LRBA: variants seen among roughly 807,000 people sequenced by gnomAD.
LRBA encodes the protein LPS responsive beige-like anchor protein.
A neutral mutation model predicts 330.0 loss-of-function variants in LRBA; 176 were observed. The observed-to-expected ratio is 0.53, with a 90% confidence interval of 0.47 to 0.60. The LOEUF (loss-of-function observed/expected upper bound fraction) is 0.60. Ranked by LOEUF, LRBA falls within the 20% of genes least tolerant of loss-of-function variation. The pLI is 0.00. For synonymous variants in LRBA, 1,230 were observed against 1,193.0 expected, an observed-to-expected ratio of 1.03 and a Z score of -0.64; for missense variants, 3,259 against 3,444.8, an observed-to-expected ratio of 0.95 and a Z score of 1.35.
chr4:150,522,630 C>T (rs1180485684), intron 40 of LRBA, among the ~76,000 whole-genome samples: 2 of 152,296 alleles, frequency 1.3e-5, no homozygotes, highest in Admixed American at 6.5e-5. Flanking sequence ...CTCAAGTCTC[C>T]GCTTCCCGCA....
At chr4:150,557,601 G>A (rs371431000) in intron 40 of LRBA, among the ~76,000 whole-genome samples, 1 of 151,430 alleles carries the variant, frequency 6.6e-6, no homozygotes. Flanking sequence ...GACTTTTCGT[G>A]GTTTTGATGA....
intron 28 of LRBA, among the ~76,000 whole-genome samples, chr4:150,837,281 G>A (rs965596939): frequency 5.3e-5 from 8 of 152,134 alleles, no homozygotes; most frequent in African/African-American, 1.7e-4. Flanking sequence ...GTTGATTTGG[G>A]GTGGAGAGTT....
chr4:150,337,849 C>T (rs1581050243), intron 48 of LRBA, among the ~76,000 whole-genome samples: 1 of 152,100 alleles, frequency 6.6e-6, no homozygotes, highest in Non-Finnish European at 1.5e-5. Flanking sequence ...ACTCCCCCAA[C>T]TATTTAACAA....
chr4:150,510,739 G>A (rs756195565), intron 40 of LRBA, among the ~76,000 whole-genome samples: 42 of 152,308 alleles, frequency 2.8e-4, no homozygotes, highest in Non-Finnish European at 4.3e-4. Flanking sequence ...GGTGTGAGAT[G>A]TAGAGCTAAG....
chr4:150,553,323 G>C (rs1040683198), intron 40 of LRBA, among the ~76,000 whole-genome samples: 5 of 151,850 alleles, frequency 3.3e-5, no homozygotes, highest in African/African-American at 9.7e-5. Context: ...GTCGTGGGGT[G>C]GGGGGAAGGG....
intron 2 of LRBA, among the ~76,000 whole-genome samples, chr4:150,950,344 AGTTTAT>A (rs1055623285): frequency 5.4e-4 from 83 of 152,314 alleles, no homozygotes; most frequent in South Asian, 4.1e-4. Context: ...AATCAATTTG[AGTTTAT>A]GTTTATAAGT....
At chr4:150,335,798 G>A (rs1192071687) in intron 48 of LRBA, among the ~76,000 whole-genome samples, 1 of 152,144 alleles carries the variant, frequency 6.6e-6, no homozygotes, top group African/African-American at 2.4e-5. Context: ...CTGGGTGCAA[G>A]CGATCCTCCC....
intron 2 of LRBA, among the ~76,000 whole-genome samples, chr4:150,951,555 C>G (rs187013243): frequency 1.3e-4 from 20 of 152,172 alleles, no homozygotes; most frequent in Admixed American, 1.3e-3. Context: ...ACAAATCTTA[C>G]AACTTGGCAT....
chr4:150,415,649 C>CA (rs1000873661), intron 46 of LRBA, 59 bp from the exon 47 acceptor site: 11 of 990,558 alleles, frequency 1.1e-5, no homozygotes, highest in African/African-American at 1.6e-5. Flanking sequence ...ACTAGATATT[C>CA]AAAAAAAGGA....
chr4:150,371,522 C>T (rs1166308494), intron 47 of LRBA, among the ~76,000 whole-genome samples: 1 of 151,996 alleles, frequency 6.6e-6, no homozygotes, highest in Non-Finnish European at 1.5e-5. Context: ...ATTTATATCT[C>T]TTATTATGTT....
At chr4:150,904,923 A>G (rs1288499770) in intron 13 of LRBA, among the ~76,000 whole-genome samples, 1 of 152,174 alleles carries the variant, frequency 6.6e-6, no homozygotes, top group Non-Finnish European at 1.5e-5. Flanking sequence ...AACTTAAACA[A>G]TGATAAACAC....
intron 34 of LRBA, among the ~76,000 whole-genome samples, chr4:150,776,048 G>C (rs530268823): frequency 6.6e-6 from 1 of 152,292 alleles, no homozygotes; most frequent in African/African-American, 2.4e-5. Context: ...ATGTTATTAT[G>C]AAAGTATATT....
Position 150,821,355 on chromosome 4 carries a change from A to T in LRBA, c.5172-4098T>A, listed in dbSNP as rs544947353. ...TGGGGCACCGTGCTTAAGAACATAC[A>T]CAAATTATCATATTTAATTTATGAC... On this transcript the variant is annotated intron_variant, in intron 30 of 56. Coordinates refer to ENST00000651943, the MANE Select transcript of LRBA (RefSeq NM_001364905.1). 2.0e-5 allele frequency among the ~76,000 whole-genome samples: 3 copies of T among 152,262 alleles called. No homozygotes were observed. The East Asian group carries it at 5.8e-4, about 29-fold the overall frequency.
rs869198244 is a variant in LRBA at position 150,454,979 on chromosome 4, AT to A, written c.6780+12693del. On this transcript the variant is annotated intron_variant, in intron 44 of 56. Coordinates refer to ENST00000651943, the MANE Select transcript of LRBA (RefSeq NM_001364905.1). ...TTACTCCAGTTTTATTTTATTTTTT[AT>A]TTTTTTTATTATAGTTTAAGTTTTA... 6.8e-3 allele frequency among the ~76,000 whole-genome samples: 398 copies of A among 58,392 alleles called. 5 individuals are homozygous for A. The highest frequency in any genetic ancestry group is 0.041 in the Admixed American group (181 of 4,422). 38.3% of individuals were successfully genotyped at this position (58,392 alleles called of 152,430 possible).
At chr4:150,371,135 A>G (rs924694547) in intron 47 of LRBA, among the ~76,000 whole-genome samples, 12 of 147,342 alleles carry the variant, frequency 8.1e-5, no homozygotes, top group Non-Finnish European at 1.5e-4. Context: ...TATATAATCT[A>G]TCTCCTTTTC....
chr4:150,833,160 C>G (rs1029359046), intron 28 of LRBA, among the ~76,000 whole-genome samples: 2 of 151,912 alleles, frequency 1.3e-5, no homozygotes, highest in Admixed American at 6.6e-5. Flanking sequence ...AGAAAGAAGA[C>G]AAACTAGACT....
chr4:150,449,486 T>C (rs1207943334), intron 44 of LRBA, among the ~76,000 whole-genome samples: 2 of 145,770 alleles, frequency 1.4e-5, no homozygotes, highest in Non-Finnish European at 3.0e-5. Flanking sequence ...ACAACAAGCC[T>C]GGCACTGAGT....
intron 40 of LRBA, among the ~76,000 whole-genome samples, chr4:150,493,385 A>C (rs1231910938): frequency 6.6e-6 from 1 of 152,190 alleles, no homozygotes; most frequent in Non-Finnish European, 1.5e-5. Flanking sequence ...AATATACCCT[A>C]CTTCCAATGC....
chr4:150,334,756 T>C (rs1734419669), intron 48 of LRBA, among the ~76,000 whole-genome samples: 1 of 144,942 alleles, frequency 6.9e-6, no homozygotes, highest in South Asian at 2.1e-4. Flanking sequence ...TTTGAAAAAA[T>C]CTAAAAGACA....
Sources: gnomAD v4.1 joint callset for allele counts (sites outside exome capture counted in the v4.1 genomes callset) on GRCh38, gnomAD v4.1.1 for gene constraint, MANE v1.5 for transcripts, NCBI Gene and HGNC (gene_info 2026-07-23, HGNC 2026-07-21) for gene names.